The following SRRM4 variants were observed in gnomAD, a reference collection of about 807,000 sequenced individuals.
SRRM4 encodes the protein serine/arginine repetitive matrix protein 4.
SRRM4 carries 33 observed loss-of-function variants against 68.9 expected under a neutral mutation model. That is an observed-to-expected ratio of 0.48 (90% CI 0.36 to 0.64). The LOEUF (loss-of-function observed/expected upper bound fraction) is 0.64, where lower values mean the gene tolerates loss of function less well. Among genes scored for constraint, SRRM4 ranks in the 30% least tolerant of loss-of-function variants. The pLI, the probability that SRRM4 is intolerant of heterozygous loss-of-function variation, is 0.00. For missense variants in SRRM4, 817 were observed against 827.1 expected (o/e 0.99, Z 0.15); for synonymous variants, 318 against 318.8 (o/e 1.00, Z 0.03).
At chr12:119,019,691 A>T (rs1472966524) in intron 1 of SRRM4, among the ~76,000 whole-genome samples, 1 of 152,130 alleles carries the variant, frequency 6.6e-6, no homozygotes, top group Non-Finnish European at 1.5e-5. Context: ...GCTCCCTGGG[A>T]TTAAACTGCT....
chr12:119,078,030 G>T (rs909370284), intron 1 of SRRM4, among the ~76,000 whole-genome samples: 10 of 101,884 alleles, frequency 9.8e-5, no homozygotes, highest in African/African-American at 3.2e-4. Flanking sequence ...TCCAGCTGAG[G>T]TCTTATTCAC....
chr12:119,130,370 G>A (rs748527325), intron 7 of SRRM4, among the ~76,000 whole-genome samples: 1 of 151,390 alleles, frequency 6.6e-6, no homozygotes, highest in African/African-American at 2.4e-5. Flanking sequence ...ATGATTGAGA[G>A]ATGGCTAGTT....
intron 11 of SRRM4, 55 bp downstream of exon 11, chr12:119,153,704 G>T: frequency 7.6e-7 from 1 of 1,323,650 alleles, no homozygotes; most frequent in Non-Finnish European, 1.0e-6. Flanking sequence ...CCTTTGCTCT[G>T]ATCCTCCTCT....
intron 1 of SRRM4, among the ~76,000 whole-genome samples, chr12:119,058,437 A>T (rs887683315): frequency 6.6e-6 from 1 of 152,188 alleles, no homozygotes; most frequent in African/African-American, 2.4e-5. Flanking sequence ...CCCATTTTAC[A>T]GAAAGGTAGA....
At chr12:119,019,094 A>T (rs1953498678) in intron 1 of SRRM4, among the ~76,000 whole-genome samples, 1 of 152,196 alleles carries the variant, frequency 6.6e-6, no homozygotes, top group South Asian at 2.1e-4. Context: ...TCTGCTCCCC[A>T]AAGCTGACAG....
intron 1 of SRRM4, among the ~76,000 whole-genome samples, chr12:119,051,875 T>C (rs1241283704): frequency 6.6e-6 from 1 of 152,244 alleles, no homozygotes; most frequent in Non-Finnish European, 1.5e-5. Context: ...TGATAGGTAA[T>C]ATCAAACAAT....
At chr12:119,069,772 A>C (rs534355071) in intron 1 of SRRM4, 1 of 152,242 alleles carries the variant, frequency 6.6e-6, no homozygotes, top group Admixed American at 6.5e-5. Context: ...GAATCAGAAA[A>C]CCACCATCAG....
In SRRM4 at chr12:119,151,175, C is replaced by T. The variant is rs56390632; in HGVS notation, c.1235C>T (p.Ala412Val). 30 of 1,613,920 alleles carry T rather than the reference C, an allele frequency of 1.9e-5. No individual in the cohort carries two copies. The African/African-American group carries it at 2.9e-4, about 16-fold the overall frequency. ...SHSSRSPNPR[A>V]SPRYTQSRST... ...TCGTCCCGATCCCCAAATCCCAGGG[C>T]TTCCCCCAGGTACACCCAAAGCCGA... Residue 412 changes from alanine to valine, a missense_variant, in exon 10 of 13, where the codon GCT becomes GTT. By Grantham distance (64) the Ala-to-Val change is moderately conservative. Coordinates refer to ENST00000267260, the MANE Select transcript of SRRM4 (RefSeq NM_194286.4).
chr12:119,038,564 GT>G (rs1490785378), intron 1 of SRRM4, among the ~76,000 whole-genome samples: 5 of 152,152 alleles, frequency 3.3e-5, no homozygotes, highest in African/African-American at 1.2e-4. Flanking sequence ...CTCATTATTT[GT>G]TCCTGGAACT....
At chr12:118,991,968 A>G (rs897909630) in intron 1 of SRRM4, among the ~76,000 whole-genome samples, 13 of 152,206 alleles carry the variant, frequency 8.5e-5, no homozygotes, top group Admixed American at 2.6e-4. Flanking sequence ...TTACACGTGG[A>G]GGGCTGAGGG....
chr12:119,043,076 A>G (rs1953680012), intron 1 of SRRM4, among the ~76,000 whole-genome samples: 1 of 152,234 alleles, frequency 6.6e-6, no homozygotes, highest in South Asian at 2.1e-4. Flanking sequence ...ATTCTATTAT[A>G]AAGATACATG....
chr12:119,082,478 C>G (rs554292794), intron 1 of SRRM4, among the ~76,000 whole-genome samples: 1 of 152,312 alleles, frequency 6.6e-6, no homozygotes, highest in South Asian at 2.1e-4. Flanking sequence ...CGTGATTTCC[C>G]CCCCTTCTTT....
chr12:119,145,068 C>T (rs1281485363), intron 8 of SRRM4, among the ~76,000 whole-genome samples: 2 of 151,558 alleles, frequency 1.3e-5, no homozygotes, highest in Non-Finnish European at 2.9e-5. Context: ...TGAGTTGACT[C>T]TTTTGTTTAA....
At chr12:119,024,440 C>T (rs573913493) in intron 1 of SRRM4, among the ~76,000 whole-genome samples, 2 of 152,344 alleles carry the variant, frequency 1.3e-5, no homozygotes, top group Non-Finnish European at 2.9e-5. Context: ...GGAATGTGGG[C>T]TGGGTTTCAG....
intron 1 of SRRM4, among the ~76,000 whole-genome samples, chr12:118,995,209 T>A (rs1486386353): frequency 6.6e-6 from 1 of 152,216 alleles, no homozygotes; most frequent in Non-Finnish European, 1.5e-5. Flanking sequence ...CTTTTTGAGG[T>A]AGATACTGTG....
chr12:118,992,521 T>G (rs1525957), intron 1 of SRRM4, among the ~76,000 whole-genome samples: 41,471 of 152,118 alleles, frequency 0.27, 5,925 homozygotes, highest in Non-Finnish European at 0.31. Flanking sequence ...TGCCCCAGCC[T>G]CCTGTCCACA....
intron 1 of SRRM4, among the ~76,000 whole-genome samples, chr12:119,028,175 G>A (rs1386600422): frequency 6.6e-6 from 1 of 152,168 alleles, no homozygotes; most frequent in Non-Finnish European, 1.5e-5. Context: ...TTGTTCTAGG[G>A]AATCACATTT....
intron 1 of SRRM4, among the ~76,000 whole-genome samples, chr12:119,092,997 C>T (rs1954023094): frequency 6.6e-6 from 1 of 152,172 alleles, no homozygotes; most frequent in African/African-American, 2.4e-5. Flanking sequence ...GCACTGGCTC[C>T]ACTCTGCCTG....
At chr12:119,076,795 C>T (rs1953919116) in intron 1 of SRRM4, among the ~76,000 whole-genome samples, 1 of 152,196 alleles carries the variant, frequency 6.6e-6, no homozygotes, top group African/African-American at 2.4e-5. Flanking sequence ...AAAATGTCTC[C>T]ATGATTTGCC....
Sources: gnomAD v4.1 joint callset for allele counts (sites outside exome capture counted in the v4.1 genomes callset) on GRCh38, gnomAD v4.1.1 for gene constraint, MANE v1.5 for transcripts, NCBI Gene and HGNC (gene_info 2026-07-23, HGNC 2026-07-21) for gene names.